Variants in VPS13D observed in about 807,000 individuals in gnomAD.
VPS13D encodes intermembrane lipid transfer protein VPS13D.
In VPS13D, 187 loss-of-function variants were observed where a neutral mutation model predicts 461.9. That is an observed-to-expected ratio of 0.40 (90% CI 0.36 to 0.46). The LOEUF (loss-of-function observed/expected upper bound fraction) is 0.46. Among genes scored for constraint, VPS13D ranks in the 20% least tolerant of loss-of-function variants. The probability of loss-of-function intolerance (pLI) is 0.60; values close to 1 mark genes in which losing one functional copy is unlikely to be tolerated. For synonymous variants in VPS13D, 1,951 were observed against 1,986.3 expected (o/e 0.98, Z 0.47); for missense variants, 4,711 against 5,364.9 (o/e 0.88, Z 3.81).
chr1:12,416,187 A>T (rs2100234578), intron 64 of VPS13D, among the ~76,000 whole-genome samples: 1 of 152,274 alleles, frequency 6.6e-6, no homozygotes, highest in South Asian at 2.1e-4. Context: ...TCAGAGAAAG[A>T]AACAGTGGAG....
At chr1:12,326,449 C>G (rs1643190704) in intron 35 of VPS13D, among the ~76,000 whole-genome samples, 2 of 151,244 alleles carry the variant, frequency 1.3e-5, no homozygotes, top group South Asian at 4.2e-4. Flanking sequence ...ATGATCCTCC[C>G]ACCTAAGCCT....
chr1:12,499,139 G>T (rs972193068), intron 68 of VPS13D, among the ~76,000 whole-genome samples: 4 of 151,998 alleles, frequency 2.6e-5, no homozygotes, highest in South Asian at 4.2e-4. Flanking sequence ...GGGGGGTCTA[G>T]AGACCCCCCA....
chr1:12,311,271 G>A (rs1399460297), intron 27 of VPS13D, among the ~76,000 whole-genome samples, 183 bp from the exon 28 acceptor site: 1 of 152,104 alleles, frequency 6.6e-6, no homozygotes, highest in Admixed American at 6.5e-5. Context: ...TTTTGTAGTT[G>A]AAGCATGACA....
intron 22 of VPS13D, among the ~76,000 whole-genome samples, chr1:12,290,056 A>G (rs1406683505): frequency 6.6e-6 from 1 of 152,330 alleles, no homozygotes; most frequent in South Asian, 2.1e-4. Flanking sequence ...TACAGAGGCA[A>G]CGGTTCAGAA....
At position 12,258,301 on chromosome 1, in the gene VPS13D, G is replaced by A. The variant is rs577374094; in HGVS notation, c.1110+198G>A. Among the ~76,000 whole-genome samples the A allele has an allele frequency of 1.3e-3, 197 of 152,246 alleles. 2 individuals are homozygous for A. The highest frequency in any genetic ancestry group is 3.4e-3 in the Middle Eastern group (1 of 294). ...ACCTTCTGCTGCCCGAGGAGAGCCG[G>A]GCCATGGGGTAGGAGGAAGAAAAGA... On this transcript the variant is annotated intron_variant, in intron 10 of 69. Transcript: ENST00000620676.
chr1:12,490,174 C>T (rs1397455143), intron 67 of VPS13D, among the ~76,000 whole-genome samples: 1 of 152,188 alleles, frequency 6.6e-6, no homozygotes, highest in African/African-American at 2.4e-5. Flanking sequence ...AGGCACAAAC[C>T]ATTTGCAGGG....
intron 66 of VPS13D, among the ~76,000 whole-genome samples, chr1:12,457,340 A>G (rs552102251): frequency 2.3e-4 from 35 of 152,304 alleles, no homozygotes; most frequent in African/African-American, 8.2e-4. Context: ...CTCAGCCTGT[A>G]AGTCCCAACT....
chr1:12,506,810 G>A (rs766381476), intron 68 of VPS13D, 43 bp from the exon 69 acceptor site: 13 of 1,595,532 alleles, frequency 8.1e-6, no homozygotes, highest in Admixed American at 5.1e-5. Context: ...GATGCTGGGC[G>A]AAGCCCCAGG....
chr1:12,469,241 A>C (rs1320708144), intron 67 of VPS13D, among the ~76,000 whole-genome samples: 2 of 152,192 alleles, frequency 1.3e-5, no homozygotes, highest in African/African-American at 4.8e-5. Flanking sequence ...GGAACCCCAG[A>C]TCCATAACCT....
intron 50 of VPS13D, among the ~76,000 whole-genome samples, chr1:12,362,361 T>C (rs558962655): frequency 7.4e-4 from 113 of 152,314 alleles, no homozygotes; most frequent in African/African-American, 2.7e-3. Context: ...AGCCAAAAAG[T>C]ATCATGTGAA....
At chr1:12,237,122 T>C (rs1452961545) in intron 2 of VPS13D, among the ~76,000 whole-genome samples, 1 of 150,430 alleles carries the variant, frequency 6.6e-6, no homozygotes. Context: ...TATATATATC[T>C]GTGTGTGTAT....
At chr1:12,432,584 C>T (rs115514416) in intron 65 of VPS13D, among the ~76,000 whole-genome samples, 309 of 151,732 alleles carry the variant, frequency 2.0e-3, no homozygotes, top group African/African-American at 6.8e-3. Context: ...TGATCTGAAC[C>T]CCTTTCCTTT....
intron 2 of VPS13D, among the ~76,000 whole-genome samples, chr1:12,240,595 CAAAAAAAAAAA>C (rs781165302): frequency 2.3e-5 from 1 of 43,060 alleles, no homozygotes; most frequent in South Asian, 9.2e-4. Context: ...GATTCCATCT[CAAAAAAAAAAA>C]AAAAAAAAAA....
At chr1:12,453,227 G>T (rs1202702101) in intron 65 of VPS13D, among the ~76,000 whole-genome samples, 2 of 152,030 alleles carry the variant, frequency 1.3e-5, no homozygotes, top group African/African-American at 4.8e-5. Flanking sequence ...GAAGAAGAGG[G>T]AGTGATATTG....
At chr1:12,316,988 C>G (rs1317661603) in intron 30 of VPS13D, among the ~76,000 whole-genome samples, 1 of 151,844 alleles carries the variant, frequency 6.6e-6, no homozygotes, top group African/African-American at 2.4e-5. Flanking sequence ...GGAGCAATGG[C>G]AACTTGTCCC....
At chr1:12,240,798 C>T (rs777890365) in intron 2 of VPS13D, among the ~76,000 whole-genome samples, 5 of 109,974 alleles carry the variant, frequency 4.5e-5, no homozygotes, top group African/African-American at 7.6e-5. Flanking sequence ...TTCTGTTAGT[C>T]GTAAGGTATG....
In VPS13D at chr1:12,506,729, A is replaced by T. The variant is rs920089295; in HGVS notation, c.12795-124A>T. The stretch of plus-strand genomic sequence containing the variant: ...AGATAGAATTTCAGGATTTAGAAGT[A>T]TTTCCCGGCAAGGGGGCCGGGATTC... On this transcript the variant is annotated intron_variant, in intron 68 of 69. Transcript: ENST00000620676. 4 of 1,289,620 alleles carry T rather than the reference A, an allele frequency of 3.1e-6. No homozygotes were observed. The African/African-American group carries it at 6.0e-5, about 19-fold the overall frequency. 79.9% of individuals were successfully genotyped at this position (1,289,620 alleles called of 1,614,324 possible).
intron 63 of VPS13D, among the ~76,000 whole-genome samples, chr1:12,409,529 T>C (rs1045391989): frequency 4.6e-5 from 7 of 152,296 alleles, no homozygotes; most frequent in African/African-American, 1.7e-4. Flanking sequence ...TAAATCACAA[T>C]AGAAAAAATA....
At chr1:12,345,285 T>C (rs1022508461) in intron 42 of VPS13D, 89 bp from the exon 43 acceptor site, 9 of 1,451,806 alleles carry the variant, frequency 6.2e-6, no homozygotes, top group African/African-American at 2.8e-5. Flanking sequence ...TTACATCATA[T>C]GTACTAAATC....
Sources: allele counts gnomAD v4.1 joint callset (sites outside exome capture counted in the v4.1 genomes callset), GRCh38; gene constraint gnomAD v4.1.1; transcripts MANE v1.5; gene names NCBI Gene and HGNC (gene_info 2026-07-23, HGNC 2026-07-21).